Variants in NR1D2 observed in about 807,000 individuals in gnomAD.
NR1D2 encodes V-erbA-related protein 1-related.
Under a neutral mutation model 52.2 loss-of-function variants are expected in NR1D2, and 25 were observed. The ratio of observed to expected loss-of-function variants is 0.48; its 90% CI spans 0.35 to 0.67. NR1D2 has a LOEUF of 0.67. Among genes scored for constraint, NR1D2 ranks in the 30% least tolerant of loss-of-function variants. The pLI is 0.01. For synonymous variants in NR1D2, 259 were observed against 230.1 expected (o/e 1.13, Z -1.14); for missense variants, 681 against 707.2 (o/e 0.96, Z 0.42).
chr3:23,969,472 T>C (rs776627001), intron 7 of NR1D2, among the ~76,000 whole-genome samples: 2 of 152,222 alleles, frequency 1.3e-5, no homozygotes, highest in East Asian at 3.8e-4. Context: ...AATATGTCAA[T>C]AAGGGATATC....
intron 7 of NR1D2, among the ~76,000 whole-genome samples, chr3:23,968,421 T>C (rs1435498919): frequency 1.3e-5 from 2 of 152,172 alleles, no homozygotes; most frequent in Non-Finnish European, 2.9e-5. Context: ...TATCAAGAGG[T>C]ATTAGTGTGG....
chr3:23,967,074 C>G (rs995118801), intron 6 of NR1D2, among the ~76,000 whole-genome samples: 1 of 152,156 alleles, frequency 6.6e-6, no homozygotes, highest in African/African-American at 2.4e-5. Context: ...GCCTGTAATT[C>G]TAGCACTTTG....
intron 6 of NR1D2, among the ~76,000 whole-genome samples, chr3:23,966,653 G>A (rs1453876820): frequency 6.6e-6 from 1 of 152,236 alleles, no homozygotes; most frequent in Non-Finnish European, 1.5e-5. Context: ...GAGTGGCAGA[G>A]TATCTTTGCC....
At chr3:23,959,891 T>C in intron 4 of NR1D2, 76 bp downstream of exon 4, 1 of 1,400,294 alleles carries the variant, frequency 7.1e-7, no homozygotes, top group Non-Finnish European at 9.6e-7. Flanking sequence ...ACCAGAGCTA[T>C]AAACCGGTTA....
chr3:23,954,492 G>C (rs779619219), intron 1 of NR1D2, 45 bp from the exon 2 acceptor site: 1 of 1,526,176 alleles, frequency 6.6e-7, no homozygotes, highest in Non-Finnish European at 9.0e-7. Flanking sequence ...TAAAAAATAC[G>C]TATTATCTTG....
chr3:23,962,513 C>G lies in NR1D2; in HGVS notation c.1054C>G (p.Gln352Glu), dbSNP rs1706280474. Residue 352 changes from glutamine (Q) to glutamate (E), a missense_variant, in exon 5 of 8, where the codon CAA becomes GAA. Physicochemically the swap from Gln to Glu is conservative, Grantham distance 29 (BLOSUM62 2). Around this residue, in one of 3 missense-constraint regions of NR1D2, gnomAD observed 475 missense variants for 454.5 expected, o/e 1.05. Coordinates refer to ENST00000312521, the MANE Select transcript of NR1D2 (RefSeq NM_005126.5). The part of the protein sequence containing the change: ...HCMNFSNAYT[Q>E]RVCDRVPIDG... ...TATGAACTTCTCCAATGCTTATACT[C>G]AAAGAGTATGTGATAGAGTTCCGAT... 6.2e-7 allele frequency: 1 copy of G among 1,613,998 alleles called. No individual in the cohort carries two copies. Among genetic ancestry groups the G allele is most frequent in the Admixed American group, 1.7e-5 (1 of 60,020 alleles).
intron 6 of NR1D2, among the ~76,000 whole-genome samples, chr3:23,967,364 C>T (rs113112228): frequency 0.026 from 3,907 of 151,726 alleles, 170 homozygotes; most frequent in African/African-American, 0.089. Flanking sequence ...CCTGTAATCC[C>T]AGCACTTTGG....
chr3:23,975,877 G>C (rs140082159), intron 7 of NR1D2, among the ~76,000 whole-genome samples: 2 of 152,076 alleles, frequency 1.3e-5, no homozygotes, highest in African/African-American at 2.4e-5. Flanking sequence ...CATGGCAAAT[G>C]ACCTTTTTCA....
At chr3:23,948,296 C>T (rs999627329) in intron 1 of NR1D2, among the ~76,000 whole-genome samples, 4 of 152,022 alleles carry the variant, frequency 2.6e-5, no homozygotes, top group African/African-American at 7.3e-5. Context: ...TATGTCTCCT[C>T]GCCCCATGAG....
chr3:23,972,828 G>GT (rs1706626338), intron 7 of NR1D2, among the ~76,000 whole-genome samples: 1 of 152,064 alleles, frequency 6.6e-6, no homozygotes, highest in African/African-American at 2.4e-5. Context: ...ATCCAGCCAG[G>GT]TTTGTACCTT....
At chr3:23,970,901 C>G (rs1222420498) in intron 7 of NR1D2, among the ~76,000 whole-genome samples, 1 of 152,106 alleles carries the variant, frequency 6.6e-6, no homozygotes, top group Non-Finnish European at 1.5e-5. Context: ...CCTGCCTCAG[C>G]CTCCTGAGTA....
chr3:23,949,567 T>C (rs1186166226), intron 1 of NR1D2, among the ~76,000 whole-genome samples: 1 of 152,210 alleles, frequency 6.6e-6, no homozygotes, highest in Non-Finnish European at 1.5e-5. Context: ...CCTAATAACA[T>C]AGGTGTTTCC....
chr3:23,971,842 TG>T (rs1186658479), intron 7 of NR1D2, among the ~76,000 whole-genome samples: 1 of 152,184 alleles, frequency 6.6e-6, no homozygotes, highest in Non-Finnish European at 1.5e-5. Flanking sequence ...GTTCTATCAC[TG>T]TTTGTCATGA....
intron 7 of NR1D2, 88 bp from the exon 8 acceptor site, chr3:23,977,135 G>A: frequency 1.4e-6 from 1 of 719,048 alleles, no homozygotes; most frequent in South Asian, 4.8e-5. Flanking sequence ...CTATTCGTTA[G>A]TGACACTGAT....
At chr3:23,946,154 G>T (rs1000066365) in intron 1 of NR1D2, 1 of 985,206 alleles carries the variant, frequency 1.0e-6, no homozygotes, top group African/African-American at 1.7e-5. Context: ...CACTGCGGAG[G>T]AGGCCGCGCG....
At chr3:23,947,795 C>CT (rs75468078) in intron 1 of NR1D2, among the ~76,000 whole-genome samples, 10,828 of 152,256 alleles carry the variant, frequency 0.071, 506 homozygotes, top group East Asian at 0.24. Context: ...TTTCTGCTAT[C>CT]TATCAGTAAG....
intron 1 of NR1D2, among the ~76,000 whole-genome samples, chr3:23,953,273 G>T (rs907494180): frequency 6.8e-6 from 1 of 147,838 alleles, no homozygotes; most frequent in Non-Finnish European, 1.5e-5. Context: ...GACCCAGGAG[G>T]TGGAGGTTGC....
Position 23,977,701 on chromosome 3 carries a change from G to A in NR1D2, c.*282G>A. 4.2e-6 allele frequency: 1 copy of A among 240,818 alleles called. No individual in the cohort carries two copies. Among genetic ancestry groups the A allele is most frequent in the Non-Finnish European group, 7.9e-6 (1 of 126,182 alleles). The allele number at this position is 240,818 out of a possible 1,614,324, so 14.9% of individuals were successfully genotyped here. On this transcript the variant is annotated 3_prime_UTR_variant, in exon 8 of 8. Transcript: ENST00000312521. Reference sequence around the variant, plus strand: ...CACTGAATGTTAGACTTTTTCATCTGCCAAAACCAAAAACCATTTTGATCT... The same window carrying A: ...CACTGAATGTTAGACTTTTTCATCTACCAAAACCAAAAACCATTTTGATCT...
intron 7 of NR1D2, among the ~76,000 whole-genome samples, chr3:23,970,063 G>A (rs1485232548): frequency 6.6e-6 from 1 of 152,180 alleles, no homozygotes; most frequent in African/African-American, 2.4e-5. Flanking sequence ...AAAATATGGG[G>A]CAGAAGAAAG....
Sources: gnomAD v4.1 joint callset for allele counts (sites outside exome capture counted in the v4.1 genomes callset) on GRCh38, gnomAD v4.1.1 for gene constraint, gnomAD v4.1.1 regional missense constraint, MANE v1.5 for transcripts, NCBI Gene and HGNC (gene_info 2026-07-23, HGNC 2026-07-21) for gene names.